GRIN3B: variants seen among roughly 807,000 people sequenced by gnomAD.
The protein encoded by GRIN3B is glutamate ionotropic receptor NMDA type subunit 3B.
A neutral mutation model predicts 66.0 loss-of-function variants in GRIN3B; 77 were observed. That is an observed-to-expected ratio of 1.17 (90% CI 0.97 to 1.41). The LOEUF (loss-of-function observed/expected upper bound fraction) is 1.41, where lower values mean the gene tolerates loss of function less well. GRIN3B is among the 40% of genes most tolerant of loss of function. The probability of loss-of-function intolerance (pLI) is 0.00; values close to 1 mark genes in which losing one functional copy is unlikely to be tolerated. For synonymous variants in GRIN3B, 823 were observed against 749.7 expected (o/e 1.10, Z -1.60); for missense variants, 1,787 against 1,564.5 (o/e 1.14, Z -2.40).
intron 2 of GRIN3B, 45 bp from the exon 3 acceptor site, chr19:1,004,476 G>A (rs2038717859): frequency 3.3e-6 from 5 of 1,492,790 alleles, no homozygotes; most frequent in Non-Finnish European, 4.6e-6. Context: ...GAGGATGGAG[G>A]GGTGTGAACT....
chr19:1,001,536 G>T (rs1236691784), intron 1 of GRIN3B, among the ~76,000 whole-genome samples: 1 of 151,900 alleles, frequency 6.6e-6, no homozygotes, highest in Non-Finnish European at 1.5e-5. Context: ...TGGGTTCTGG[G>T]GTCCCTGTTG....
chr19:1,008,473 C>G, intron 6 of GRIN3B, 145 bp from the exon 7 acceptor site: 1 of 1,072,568 alleles, frequency 9.3e-7, no homozygotes, highest in Non-Finnish European at 1.3e-6. Context: ...ACCTCACTCC[C>G]CCCAGCCATG....
rs142903123 is a variant in GRIN3B at position 1,001,288 on chromosome 19, C to T, written c.426+425C>T. ...CTGGGTGGCTGGGCTGGAGGACAGG[C>T]GGTCTCCCTCCTCACTCTAGGGGTG... On this transcript the variant is annotated intron_variant, in intron 1 of 8. Transcript: ENST00000234389. Among the ~76,000 whole-genome samples, 512 of 152,066 alleles carry T rather than the reference C, an allele frequency of 3.4e-3. 6 individuals are homozygous for T. Among genetic ancestry groups the T allele is most frequent in the African/African-American group, 0.012 (481 of 41,480 alleles).
chr19:1,009,041 C>G, intron 8 of GRIN3B, 114 bp downstream of exon 8: 1 of 1,456,446 alleles, frequency 6.9e-7, no homozygotes, highest in Non-Finnish European at 9.3e-7. Flanking sequence ...CCCCCGCCCA[C>G]CCCCGGACGT....
chr19:1,009,106 T>C, intron 8 of GRIN3B, 67 bp from the exon 9 acceptor site: 2 of 1,444,484 alleles, frequency 1.4e-6, no homozygotes, highest in Non-Finnish European at 1.8e-6. Context: ...GTCAGCGGCC[T>C]CTGCAGAGGC....
At position 1,007,304 on chromosome 19, in the gene GRIN3B, G is replaced by C. The variant is rs2038760546; in HGVS notation, c.2053-324G>C. Among the ~76,000 whole-genome samples the C allele has an allele frequency of 6.6e-6, 1 of 152,044 alleles. No homozygotes were observed. Among genetic ancestry groups the C allele is most frequent in the Non-Finnish European group, 1.5e-5 (1 of 67,962 alleles). On this transcript the variant is annotated intron_variant, in intron 3 of 8. Transcript: ENST00000234389. This position sits in a 1 kb window ranked among gnomAD's most constrained non-coding sequence, Gnocchi z 4.4. ...GTGGGGCTCCCGTGGGACCCCCAGGGGAGAGGCAGAGGAGGTGGTGGGATA... is the reference window on the plus strand; with the variant it reads ...GTGGGGCTCCCGTGGGACCCCCAGGCGAGAGGCAGAGGAGGTGGTGGGATA...
In GRIN3B at chr19:1,000,669, G is replaced by A; in HGVS notation, c.232G>A (p.Ala78Thr). The A allele has an allele frequency of 1.5e-6, 2 of 1,329,930 alleles. No homozygotes were observed. The highest frequency in any genetic ancestry group is 1.9e-6 in the Non-Finnish European group (2 of 1,037,586). 82.4% of individuals were successfully genotyped at this position (1,329,930 alleles called of 1,614,324 possible). A position where few individuals can be genotyped will look rare whatever the true frequency, so the allele number is the denominator to read the frequency against. Residue 78 changes from alanine to threonine, a missense_variant, in exon 1 of 9, where the codon GCG becomes ACG. Ala to Thr is a moderately conservative substitution (Grantham distance 58). Coordinates refer to ENST00000234389, the MANE Select transcript of GRIN3B (RefSeq NM_138690.3). ...HNLSLELVVA[A>T]PPARDPASLT... ...CCTGAGCTTGGAGCTGGTGGTCGCC[G>A]CGCCCCCCGCCCGCGACCCCGCCTC... is the stretch of plus-strand genomic sequence containing the variant.
At position 1,005,484 on chromosome 19, in the gene GRIN3B, G is replaced by A. The variant is rs752388649; in HGVS notation, c.1983G>A (p.Thr661=). The A allele has an allele frequency of 8.7e-6, 14 of 1,613,094 alleles. No individual in the cohort carries two copies. Among genetic ancestry groups the A allele is most frequent in the African/African-American group, 1.3e-5 (1 of 74,896 alleles). ...GCCTGCTGGTGCTGTCCAGCTACAC[G>A]GCCAACCTGGCTGCCGTCATGGTCG... ...IFCLLVLSSY[T]ANLAAVMVGD... is the part of the protein sequence containing the mutation. The change falls in exon 3 of 9, where the codon ACG becomes ACA. Residue 661 remains threonine, a synonymous_variant. Coordinates refer to ENST00000234389, the MANE Select transcript of GRIN3B (RefSeq NM_138690.3). The surrounding 1 kb of genome is among the most constrained non-coding windows in gnomAD (Gnocchi z 5.2).
intron 1 of GRIN3B, chr19:1,002,069 C>G (rs945656112): frequency 2.0e-5 from 3 of 152,242 alleles, no homozygotes; most frequent in Non-Finnish European, 4.4e-5. Context: ...TGGCTCACGC[C>G]TGGAATCCCA....
At chr19:1,006,937 G>C (rs1481927815) in intron 3 of GRIN3B, among the ~76,000 whole-genome samples, 1 of 152,170 alleles carries the variant, frequency 6.6e-6, no homozygotes, top group African/African-American at 2.4e-5. Context: ...TGGCTGGTGT[G>C]ACCTCAGCAG....
chr19:1,006,971 G>T (rs2038755857), intron 3 of GRIN3B, among the ~76,000 whole-genome samples: 1 of 152,216 alleles, frequency 6.6e-6, no homozygotes, highest in Non-Finnish European at 1.5e-5. Flanking sequence ...CTCATTAGGG[G>T]TCTGCACCAG....
Position 1,005,020 on chromosome 19 carries a change from G to T in GRIN3B, c.1519G>T (p.Ala507Ser). The T allele has an allele frequency of 6.2e-7, 1 of 1,611,986 alleles. No homozygotes were observed. The highest frequency in any genetic ancestry group is 8.5e-7 in the Non-Finnish European group (1 of 1,179,500). The change falls in exon 3 of 9, where the codon GCC becomes TCC. Residue 507 changes from alanine to serine, a missense_variant. Physicochemically the swap from Ala to Ser is moderately conservative, Grantham distance 99. Coordinates refer to ENST00000234389, the MANE Select transcript of GRIN3B (RefSeq NM_138690.3). This position sits in a 1 kb window ranked among gnomAD's most constrained non-coding sequence, Gnocchi z 5.2. ...LYLVGDGKYG[A>S]LRDGRWTGLV... ...CCTCGTGGGTGACGGCAAGTACGGC[G>T]CCCTGCGGGACGGCCGCTGGACCGG... is the stretch of plus-strand genomic sequence containing the variant.
intron 2 of GRIN3B, 22 bp from the exon 3 acceptor site, chr19:1,004,499 A>AGC: frequency 1.4e-5 from 22 of 1,526,552 alleles, no homozygotes; most frequent in Non-Finnish European, 1.8e-5. Context: ...GACACCTGAC[A>AGC]CCCCCCCCGC....
Position 1,000,687 on chromosome 19 carries a change from C to A in GRIN3B, c.250C>A (p.Pro84Thr). The A allele has an allele frequency of 7.3e-7, 1 of 1,362,258 alleles. No individual in the cohort carries two copies. Among genetic ancestry groups the A allele is most frequent in the Non-Finnish European group, 9.5e-7 (1 of 1,055,356 alleles). 84.4% of individuals were successfully genotyped at this position (1,362,258 alleles called of 1,614,324 possible). A position where few individuals can be genotyped will look rare whatever the true frequency, so the allele number is the denominator to read the frequency against. ...LVVAAPPARDPASLTRGLCQA... is the reference protein window; with the variant it reads ...LVVAAPPARDTASLTRGLCQA... ...GGTCGCCGCGCCCCCCGCCCGCGAC[C>A]CCGCCTCGCTGACCCGCGGCCTGTG... Residue 84 changes from proline to threonine, a missense_variant, in exon 1 of 9, where the codon CCC (proline) becomes ACC (threonine). Coordinates refer to ENST00000234389, the MANE Select transcript of GRIN3B (RefSeq NM_138690.3).
At position 1,008,897 on chromosome 19, in the gene GRIN3B, C is replaced by T. The variant is rs776228228; in HGVS notation, c.2672C>T (p.Ser891Leu). The T allele has an allele frequency of 3.1e-6, 5 of 1,610,318 alleles. No homozygotes were observed. The Admixed American group carries it at 5.0e-5, about 16-fold the overall frequency. ...CTCAACACGGAGCCACCAGAGGGGT[C>T]GAAGGAGGAGACGGCAGAGGCGGAG... is the stretch of plus-strand genomic sequence containing the variant. ...RALNTEPPEG[S>L]KEETAEAEPS... is the part of the protein sequence containing the mutation. Residue 891 changes from serine (S) to leucine (L), a missense_variant, in exon 8 of 9, where the codon TCG (serine) becomes TTG (leucine). Coordinates refer to ENST00000234389, the MANE Select transcript of GRIN3B (RefSeq NM_138690.3).
At position 1,003,581 on chromosome 19, in the gene GRIN3B, T is replaced by C; in HGVS notation, c.878T>C (p.Ile293Thr). ...GCACGACCCCCGCTGGAGGCCGCCA[T>C]CCATGACATTGTGCAACTGGTGGCC... ...EVARPPLEAAIHDIVQLVARA... is the reference protein window; with the variant it reads ...EVARPPLEAATHDIVQLVARA... Residue 293 changes from isoleucine to threonine, a missense_variant, in exon 2 of 9, where the codon ATC becomes ACC. By Grantham distance (89) the Ile-to-Thr change is moderately conservative (BLOSUM62 -1). Transcript: ENST00000234389. 1.3e-6 allele frequency: 2 copies of C among 1,485,788 alleles called. No individual in the cohort carries two copies. Among genetic ancestry groups the C allele is most frequent in the Middle Eastern group, 1.8e-4 (1 of 5,580 alleles). The allele number at this position is 1,485,788 out of a possible 1,614,324, so 92.0% of individuals were successfully genotyped here.
intron 1 of GRIN3B, among the ~76,000 whole-genome samples, chr19:1,001,731 G>C (rs548552635): frequency 1.3e-5 from 2 of 152,170 alleles, no homozygotes; most frequent in South Asian, 4.1e-4. Flanking sequence ...ACGCTAGAGG[G>C]GGGGTCTCTT....
intron 7 of GRIN3B, 31 bp downstream of exon 7, chr19:1,008,813 A>ACCCCCC: frequency 6.8e-7 from 1 of 1,475,858 alleles, no homozygotes; most frequent in Non-Finnish European, 9.2e-7. Context: ...GGGCGGCCCC[A>ACCCCCC]CCCCCCCCGC....
rs1568393999 is a variant in GRIN3B at position 1,008,802 on chromosome 19, CG to C, written c.2631+23del. 6.3e-7 allele frequency: 1 copy of C among 1,586,012 alleles called. No individual in the cohort carries two copies. Among genetic ancestry groups the C allele is most frequent in the Admixed American group, 1.8e-5 (1 of 57,046 alleles). ...AGCCAGGTGGGGAGCGGGTGGGCGG[CG>C]GGCGGCCCCACCCCCCCCGCCTCCT... On this transcript the variant is annotated intron_variant, in intron 7 of 8. Transcript: ENST00000234389.
Sources: gnomAD v4.1 joint callset for allele counts (sites outside exome capture counted in the v4.1 genomes callset) on GRCh38, gnomAD v4.1.1 for gene constraint, Gnocchi (gnomAD v3.1) non-coding constraint, MANE v1.5 for transcripts, NCBI Gene and HGNC (gene_info 2026-07-23, HGNC 2026-07-21) for gene names.